The following ALG14 variants were observed in gnomAD, a reference collection of about 807,000 sequenced individuals.
ALG14 encodes ALG14 UDP-N-acetylglucosaminyltransferase subunit, also known as UDP-N-acetylglucosamine transferase subunit ALG14.
Under a neutral mutation model 22.8 loss-of-function variants are expected in ALG14, and 17 were observed. The observed-to-expected ratio is 0.75, with a 90% CI of 0.51 to 1.12. The LOEUF is 1.12. ALG14 is among the 50% of genes most tolerant of loss of function. ALG14 has a pLI of 0.00. For missense variants in ALG14, 288 were observed against 271.8 expected, an observed-to-expected ratio of 1.06 and a Z score of -0.42; for synonymous variants, 89 against 103.7, an observed-to-expected ratio of 0.86 and a Z score of 0.86.
rs1313823247 is a variant in ALG14, at chr1:95,045,981, GAATTAGTATTATATTATTATACT to G, written c.289-18744_289-18722del. ...ATACTAATAGAATAGTATACTAATA[GAATTAGTATTATATTATTATACT>G]AATTAGTATTATATTATTATACTAA... On this transcript the variant is annotated intron_variant, in intron 2 of 3. Transcript: ENST00000370205. Among the ~76,000 whole-genome samples the G allele has an allele frequency of 1.1e-4, 8 of 71,694 alleles. No individual in the cohort carries two copies. The East Asian group carries it at 1.1e-3, about 10-fold the overall frequency. The allele number at this position is 71,694 out of a possible 152,430, so 47.0% of individuals were successfully genotyped here.
intron 2 of ALG14, among the ~76,000 whole-genome samples, chr1:95,056,833 C>A (rs1458194965): frequency 1.3e-5 from 2 of 151,424 alleles, no homozygotes; most frequent in Non-Finnish European, 2.9e-5. Context: ...CCAAGGCGGG[C>A]GGATCACGTG....
intron 3 of ALG14, among the ~76,000 whole-genome samples, chr1:95,020,738 C>CA (rs113601264): frequency 0.66 from 91,136 of 137,452 alleles, 29,898 homozygotes; most frequent in African/African-American, 0.82. Context: ...AACTCCGTCT[C>CA]AAAAAAAAAA....
At chr1:94,989,617 T>C (rs1249162676) in intron 3 of ALG14, among the ~76,000 whole-genome samples, 4 of 152,200 alleles carry the variant, frequency 2.6e-5, no homozygotes, top group African/African-American at 9.6e-5. Context: ...CCAGTGCCAG[T>C]GGTGCCAGCT....
chr1:95,047,431 C>T (rs999090579), intron 2 of ALG14, among the ~76,000 whole-genome samples: 5 of 152,080 alleles, frequency 3.3e-5, no homozygotes, highest in African/African-American at 9.7e-5. Flanking sequence ...GCAACCTCTG[C>T]CTCCTGGTTC....
chr1:94,993,328 T>C (rs1672824315), intron 3 of ALG14, among the ~76,000 whole-genome samples: 1 of 146,426 alleles, frequency 6.8e-6, no homozygotes, highest in Non-Finnish European at 1.5e-5. Flanking sequence ...TATAAATATA[T>C]ATTTTAAATC....
rs1672477374 is a variant in ALG14 at position 94,980,685 on chromosome 1, G to C, written c.*2391C>G. On this transcript the variant is annotated 3_prime_UTR_variant, in exon 4 of 4. Transcript: ENST00000370205. Reference sequence around the variant, plus strand: ...TTAGCCATAACAGTAACACACAGCAGAGCATGCACTTGTTTACCAGAGTAA... The same window carrying C: ...TTAGCCATAACAGTAACACACAGCACAGCATGCACTTGTTTACCAGAGTAA... The C allele has an allele frequency of 6.6e-6, 1 of 152,216 alleles. No individual in the cohort carries two copies. Among genetic ancestry groups the C allele is most frequent in the African/African-American group, 2.4e-5 (1 of 41,450 alleles). The allele number at this position is 152,216 out of a possible 1,614,324, so 9.4% of individuals were successfully genotyped here.
intron 3 of ALG14, among the ~76,000 whole-genome samples, chr1:95,003,861 T>C (rs1287229741): frequency 1.3e-5 from 2 of 152,182 alleles, no homozygotes; most frequent in African/African-American, 2.4e-5. Context: ...CAAAATTAGC[T>C]ATAATTTCTA....
At chr1:95,054,018 C>T (rs553736792) in intron 2 of ALG14, among the ~76,000 whole-genome samples, 25 of 152,290 alleles carry the variant, frequency 1.6e-4, no homozygotes, top group African/African-American at 5.5e-4. Flanking sequence ...ACAGACAACA[C>T]ATCCAACCTT....
chr1:94,986,176 C>G (rs1672634476), intron 3 of ALG14, among the ~76,000 whole-genome samples: 1 of 152,170 alleles, frequency 6.6e-6, no homozygotes, highest in Non-Finnish European at 1.5e-5. Context: ...TTCCATTTCT[C>G]AAAATATAAA....
intron 2 of ALG14, among the ~76,000 whole-genome samples, chr1:95,036,851 C>T (rs542988849): frequency 3.3e-5 from 5 of 152,326 alleles, no homozygotes; most frequent in Admixed American, 3.3e-4. Flanking sequence ...ATCAAGCTCT[C>T]TGGACCTCAG....
At chr1:95,042,515 C>T (rs1674413169) in intron 2 of ALG14, among the ~76,000 whole-genome samples, 1 of 152,210 alleles carries the variant, frequency 6.6e-6, no homozygotes, top group African/African-American at 2.4e-5. Flanking sequence ...CACTGCTGTC[C>T]TGAGAATTCC....
At chr1:95,044,784 T>C (rs978398194) in intron 2 of ALG14, among the ~76,000 whole-genome samples, 2 of 152,188 alleles carry the variant, frequency 1.3e-5, no homozygotes, top group African/African-American at 4.8e-5. Flanking sequence ...GACATTTTTT[T>C]GTGTTTTTTG....
At chr1:95,046,150 C>T (rs528941202) in intron 2 of ALG14, among the ~76,000 whole-genome samples, 1 of 152,180 alleles carries the variant, frequency 6.6e-6, no homozygotes, top group East Asian at 1.9e-4. Flanking sequence ...ACACTGGTTT[C>T]TACACCATAT....
chr1:95,020,931 T>C (rs2100762152), intron 3 of ALG14, among the ~76,000 whole-genome samples: 1 of 152,320 alleles, frequency 6.6e-6, no homozygotes, highest in South Asian at 2.1e-4. Context: ...AATTTTATGT[T>C]ATGTGAATTT....
At position 94,974,944 on chromosome 1, in the gene ALG14, AT is replaced by A. The variant is rs1171472180; in HGVS notation, c.*8131del. 6.6e-6 allele frequency: 1 copy of A among 152,214 alleles called. No homozygotes were observed. The highest frequency in any genetic ancestry group is 1.5e-5 in the Non-Finnish European group (1 of 68,052). The allele number at this position is 152,214 out of a possible 1,614,324, so 9.4% of individuals were successfully genotyped here. A position where few individuals can be genotyped will look rare whatever the true frequency, so the allele number is the denominator to read the frequency against. On this transcript the variant is annotated 3_prime_UTR_variant, in exon 4 of 4. Transcript: ENST00000370205. ...ATAATCTGGAGACTTCTCCTCTTGC[AT>A]GTCTAGTGCCTCCAGTGAGATGACT...
In ALG14 at chr1:94,982,989, AC is replaced by A; in HGVS notation, c.*86del. On this transcript the variant is annotated 3_prime_UTR_variant, in exon 4 of 4. Transcript: ENST00000370205. ...ATTCTCAGGACTGTCAGACGCCTTT[AC>A]AAGAAACATGTAGGGTTTTTTTCCC... 1.8e-6 allele frequency: 2 copies of A among 1,136,584 alleles called. No individual in the cohort carries two copies. Among genetic ancestry groups the A allele is most frequent in the Non-Finnish European group, 2.6e-6 (2 of 770,042 alleles). The allele number at this position is 1,136,584 out of a possible 1,614,324, so 70.4% of individuals were successfully genotyped here.
chr1:95,045,201 T>C (rs1032743665), intron 2 of ALG14, among the ~76,000 whole-genome samples: 48 of 152,186 alleles, frequency 3.2e-4, no homozygotes, highest in African/African-American at 1.1e-3. Context: ...TAGTCTTTTG[T>C]TGATTTTGTT....
At chr1:95,064,238 T>C (rs779678901) in intron 2 of ALG14, among the ~76,000 whole-genome samples, 3 of 152,242 alleles carry the variant, frequency 2.0e-5, no homozygotes, top group Non-Finnish European at 4.4e-5. Flanking sequence ...AAGGATAATT[T>C]GACTTCCTCT....
intron 3 of ALG14, among the ~76,000 whole-genome samples, chr1:95,019,130 G>C (rs1673585247): frequency 6.6e-6 from 1 of 152,144 alleles, no homozygotes; most frequent in Non-Finnish European, 1.5e-5. Flanking sequence ...AATGCAAAAT[G>C]GTATTTTGCT....
Sources: gnomAD v4.1 joint callset for allele counts (sites outside exome capture counted in the v4.1 genomes callset) on GRCh38, gnomAD v4.1.1 for gene constraint, MANE v1.5 for transcripts, NCBI Gene and HGNC (gene_info 2026-07-23, HGNC 2026-07-21) for gene names.